ABCC1: variants seen among roughly 807,000 people sequenced by gnomAD.
ABCC1 encodes multidrug resistance-associated protein 1.
Under a neutral mutation model 172.9 loss-of-function variants are expected in ABCC1, and 83 were observed. The observed-to-expected ratio is 0.48, with a 90% CI of 0.40 to 0.58. The LOEUF (loss-of-function observed/expected upper bound fraction) is 0.58, where lower values mean the gene tolerates loss of function less well. Ranked by LOEUF, ABCC1 falls within the 20% of genes least tolerant of loss-of-function variation. The pLI is 0.00. For missense variants in ABCC1, 1,817 were observed against 2,002.7 expected, an observed-to-expected ratio of 0.91 and a Z score of 1.77; for synonymous variants, 937 against 825.2, an observed-to-expected ratio of 1.14 and a Z score of -2.32.
At chr16:16,134,624 T>C in intron 28 of ABCC1, 116 bp downstream of exon 28, 2 of 485,080 alleles carry the variant, frequency 4.1e-6, no homozygotes, top group Non-Finnish European at 6.1e-6. Context: ...ACTTCATCGT[T>C]CTTTTTTTTT....
chr16:16,111,187 C>A (rs567486423), intron 21 of ABCC1, among the ~76,000 whole-genome samples, 188 bp from the exon 22 acceptor site: 1 of 152,228 alleles, frequency 6.6e-6, no homozygotes, highest in Admixed American at 6.5e-5. Context: ...GTGTGAGCCA[C>A]GGCGCCTGGC....
chr16:16,044,111 C>A (rs1178720523), intron 7 of ABCC1, among the ~76,000 whole-genome samples: 1 of 152,174 alleles, frequency 6.6e-6, no homozygotes, highest in Non-Finnish European at 1.5e-5. Context: ...TTTTCTAAGT[C>A]TTTAACTTAT....
chr16:16,043,527 C>T (rs1028653677), intron 7 of ABCC1, among the ~76,000 whole-genome samples: 7 of 150,862 alleles, frequency 4.6e-5, no homozygotes, highest in South Asian at 2.1e-4. Flanking sequence ...TTGAACCTGC[C>T]GACCTCAGGT....
intron 5 of ABCC1, among the ~76,000 whole-genome samples, chr16:16,028,959 G>A (rs916430122): frequency 6.6e-6 from 1 of 152,116 alleles, no homozygotes; most frequent in African/African-American, 2.4e-5. Flanking sequence ...AAGATCTGTG[G>A]CTGTCAGGGT....
chr16:16,018,439 G>T (rs545040430), intron 5 of ABCC1, among the ~76,000 whole-genome samples: 2 of 151,972 alleles, frequency 1.3e-5, no homozygotes, highest in African/African-American at 4.8e-5. Context: ...ATCCCAGCTA[G>T]TCGGGAGGCT....
chr16:16,067,482 T>C (rs2050155236), intron 12 of ABCC1, among the ~76,000 whole-genome samples: 1 of 152,190 alleles, frequency 6.6e-6, no homozygotes, highest in South Asian at 2.1e-4. Context: ...TTACTGTGCT[T>C]GGGCCCTGTG....
chr16:15,984,534 C>T (rs1567286675), intron 1 of ABCC1, among the ~76,000 whole-genome samples: 1 of 151,352 alleles, frequency 6.6e-6, no homozygotes, highest in Non-Finnish European at 1.5e-5. Context: ...CCTCCGCTTC[C>T]CAGTTTCAAG....
chr16:15,961,981 T>C (rs2151502745), intron 1 of ABCC1, among the ~76,000 whole-genome samples: 1 of 152,332 alleles, frequency 6.6e-6, no homozygotes, highest in Non-Finnish European at 1.5e-5. Flanking sequence ...AATTGCTAGG[T>C]TGACAGTATG....
At chr16:16,121,327 C>A (rs1462890099) in intron 23 of ABCC1, among the ~76,000 whole-genome samples, 2 of 152,190 alleles carry the variant, frequency 1.3e-5, no homozygotes, top group Non-Finnish European at 2.9e-5. Flanking sequence ...CAAGCATGAG[C>A]CACCCCACCT....
intron 23 of ABCC1, among the ~76,000 whole-genome samples, chr16:16,117,026 G>A (rs548926212): frequency 6.6e-6 from 1 of 152,122 alleles, no homozygotes; most frequent in Admixed American, 6.6e-5. Context: ...TGGGACTGGG[G>A]GGGATTTCAT....
At chr16:16,092,834 A>G (rs947078551) in intron 19 of ABCC1, among the ~76,000 whole-genome samples, 1 of 152,176 alleles carries the variant, frequency 6.6e-6, no homozygotes, top group South Asian at 2.1e-4. Flanking sequence ...TACTGAAAGT[A>G]CAAACATTAG....
intron 1 of ABCC1, among the ~76,000 whole-genome samples, chr16:15,991,229 C>T (rs1055939809): frequency 1.3e-5 from 2 of 151,732 alleles, no homozygotes; most frequent in Admixed American, 6.6e-5. Context: ...TTGGGTGTCT[C>T]AGGGTCTAGG....
At chr16:16,108,253 C>T (rs752625741) in intron 21 of ABCC1, among the ~76,000 whole-genome samples, 4 of 150,090 alleles carry the variant, frequency 2.7e-5, no homozygotes, top group East Asian at 2.0e-4. Flanking sequence ...AGGCACAACA[C>T]GCTTATCGTT....
Position 16,122,068 on chromosome 16 carries a change from G to C in ABCC1, c.3484G>C (p.Val1162Leu). The C allele has an allele frequency of 6.2e-7, 1 of 1,614,216 alleles. No individual in the cohort carries two copies. The highest frequency in any genetic ancestry group is 1.1e-5 in the South Asian group (1 of 91,088). ...YSHFNETLLG[V>L]SVIRAFEEQE... ...CCATTTCAACGAGACCTTGCTGGGG[G>C]TCAGCGTCATTCGAGCCTTCGAGGA... is the stretch of plus-strand genomic sequence containing the variant. Residue 1162 changes from valine (V) to leucine (L), a missense_variant, in exon 24 of 31, where the codon GTC becomes CTC. Coordinates refer to ENST00000399410, the MANE Select transcript of ABCC1 (RefSeq NM_004996.4).
intron 21 of ABCC1, among the ~76,000 whole-genome samples, chr16:16,110,186 C>T (rs2052326784): frequency 6.6e-6 from 1 of 151,960 alleles, no homozygotes; most frequent in Admixed American, 6.6e-5. Context: ...GTGCAACCTC[C>T]ACCTCCTGGC....
chr16:16,131,665 C>G, intron 26 of ABCC1, 124 bp from the exon 27 acceptor site: 1 of 1,072,026 alleles, frequency 9.3e-7, no homozygotes, highest in Non-Finnish European at 1.3e-6. Flanking sequence ...AGGGCAACCC[C>G]CCAGTGCTGA....
At chr16:15,955,349 C>CT in intron 1 of ABCC1, among the ~76,000 whole-genome samples, 1 of 152,018 alleles carries the variant, frequency 6.6e-6, no homozygotes, top group Non-Finnish European at 1.5e-5. Flanking sequence ...CAGTGAGACT[C>CT]TGTCTCAAAA....
chr16:16,046,447 C>T (rs374142310), intron 9 of ABCC1, among the ~76,000 whole-genome samples: 39 of 152,196 alleles, frequency 2.6e-4, no homozygotes, highest in East Asian at 1.5e-3. Flanking sequence ...TGAGTTCAAG[C>T]GATTCTTCTG....
At chr16:15,956,488 C>G (rs930455677) in intron 1 of ABCC1, among the ~76,000 whole-genome samples, 2 of 151,920 alleles carry the variant, frequency 1.3e-5, no homozygotes, top group African/African-American at 4.8e-5. Context: ...GTTGATAACA[C>G]TAATTCTGTT....
Sources: gnomAD v4.1 joint callset for allele counts (sites outside exome capture counted in the v4.1 genomes callset) on GRCh38, gnomAD v4.1.1 for gene constraint, MANE v1.5 for transcripts, NCBI Gene and HGNC (gene_info 2026-07-23, HGNC 2026-07-21) for gene names.